TAF1B: variants seen among roughly 807,000 people sequenced by gnomAD.
TAF1B encodes the protein TATA box-binding protein-associated factor RNA polymerase I subunit B.
In TAF1B, 61 loss-of-function variants were observed where a neutral mutation model predicts 83.9. The observed-to-expected ratio is 0.73, with a 90% CI of 0.59 to 0.90. The LOEUF (loss-of-function observed/expected upper bound fraction) is 0.90. TAF1B is among the 40% of genes least tolerant of loss of function. The probability of loss-of-function intolerance (pLI) is 0.00; values close to 1 mark genes in which losing one functional copy is unlikely to be tolerated. For synonymous variants in TAF1B, 221 were observed against 224.6 expected (o/e 0.98, Z 0.14); for missense variants, 625 against 677.0 (o/e 0.92, Z 0.85).
At chr2:9,903,136 A>C (rs1453919479) in intron 8 of TAF1B, among the ~76,000 whole-genome samples, 1 of 152,062 alleles carries the variant, frequency 6.6e-6, no homozygotes, top group East Asian at 1.9e-4. Context: ...CCCAGGCTGG[A>C]GTGCAGTGGC....
At chr2:9,859,196 T>TTTC (rs34049018) in intron 5 of TAF1B, among the ~76,000 whole-genome samples, 141,958 of 152,068 alleles carry the variant, frequency 0.93, 66,961 homozygotes, top group East Asian at 1. Context: ...CTGCTTAGAA[T>TTTC]TTCTGCCAGA....
intron 6 of TAF1B, among the ~76,000 whole-genome samples, chr2:9,875,008 G>T (rs1417234405): frequency 6.6e-6 from 1 of 151,096 alleles, no homozygotes; most frequent in East Asian, 1.9e-4. Flanking sequence ...CTGTTACCCA[G>T]GTTGGATGGA....
At chr2:9,922,965 C>T (rs1217072178) in intron 14 of TAF1B, among the ~76,000 whole-genome samples, 4 of 152,200 alleles carry the variant, frequency 2.6e-5, no homozygotes, top group African/African-American at 4.8e-5. Context: ...ATTTCCTGGT[C>T]TGGGCTTGGT....
At chr2:9,885,847 A>G (rs1040927827) in intron 8 of TAF1B, among the ~76,000 whole-genome samples, 2 of 150,574 alleles carry the variant, frequency 1.3e-5, no homozygotes, top group African/African-American at 4.9e-5. Flanking sequence ...GGTTATTTGT[A>G]TATTTTCCTA....
intron 14 of TAF1B, among the ~76,000 whole-genome samples, chr2:9,928,243 A>G (rs1191094187): frequency 6.6e-6 from 1 of 152,222 alleles, no homozygotes; most frequent in Non-Finnish European, 1.5e-5. Context: ...TGGTACCAGT[A>G]CCATGCTGTT....
intron 14 of TAF1B, among the ~76,000 whole-genome samples, chr2:9,926,747 G>C (rs1666052706): frequency 6.8e-6 from 1 of 147,848 alleles, no homozygotes. Flanking sequence ...GCTGAGGCAG[G>C]AGAATCACTT....
intron 8 of TAF1B, among the ~76,000 whole-genome samples, chr2:9,890,846 C>T (rs1664849524): frequency 6.6e-6 from 1 of 152,158 alleles, no homozygotes; most frequent in African/African-American, 2.4e-5. Context: ...TCTATGCTCA[C>T]CACAACCTCC....
chr2:9,915,353 C>T (rs1665650025), intron 12 of TAF1B, among the ~76,000 whole-genome samples: 1 of 151,996 alleles, frequency 6.6e-6, no homozygotes, highest in Non-Finnish European at 1.5e-5. Context: ...AGAACTTAAA[C>T]GAATAAGAAG....
At chr2:9,922,948 T>A (rs1345925749) in intron 14 of TAF1B, among the ~76,000 whole-genome samples, 1 of 152,226 alleles carries the variant, frequency 6.6e-6, no homozygotes, top group African/African-American at 2.4e-5. Flanking sequence ...TTCTGTTAAC[T>A]AATGTTATTT....
At chr2:9,888,598 G>C (rs954298050) in intron 8 of TAF1B, among the ~76,000 whole-genome samples, 2 of 151,788 alleles carry the variant, frequency 1.3e-5, no homozygotes, top group African/African-American at 4.8e-5. Context: ...GTACTTTAAA[G>C]ATGTCATTCC....
At chr2:9,907,166 G>A (rs905599223) in intron 9 of TAF1B, among the ~76,000 whole-genome samples, 8 of 149,868 alleles carry the variant, frequency 5.3e-5, no homozygotes, top group Non-Finnish European at 1.0e-4. Flanking sequence ...GGGATTACAG[G>A]CATAAGCCAC....
intron 5 of TAF1B, among the ~76,000 whole-genome samples, chr2:9,859,134 A>G (rs900339401): frequency 1.2e-4 from 19 of 152,242 alleles, no homozygotes; most frequent in Non-Finnish European, 1.9e-4. Context: ...CTTTGTGAAC[A>G]CACATGACTG....
At chr2:9,866,144 C>G (rs1663968322) in intron 5 of TAF1B, among the ~76,000 whole-genome samples, 1 of 150,082 alleles carries the variant, frequency 6.7e-6, no homozygotes, top group Admixed American at 6.6e-5. Context: ...TCAGAGTGAA[C>G]AGGCAACCTA....
intron 8 of TAF1B, 137 bp from the exon 9 acceptor site, chr2:9,904,722 T>C: frequency 1.2e-6 from 1 of 810,420 alleles, no homozygotes; most frequent in Non-Finnish European, 1.9e-6. Context: ...TGCATAAGTG[T>C]TCCTTTTTCT....
intron 14 of TAF1B, among the ~76,000 whole-genome samples, chr2:9,931,417 C>T (rs12617098): frequency 0.24 from 35,753 of 151,788 alleles, 4,924 homozygotes; most frequent in East Asian, 0.31. Context: ...TATTTCTCCT[C>T]CACTTATGAA....
chr2:9,897,627 T>G (rs1665056381), intron 8 of TAF1B, among the ~76,000 whole-genome samples: 1 of 152,172 alleles, frequency 6.6e-6, no homozygotes. Context: ...CTTACACCCT[T>G]TGTGAAACTG....
At chr2:9,877,507 C>T (rs1558245355) in intron 7 of TAF1B, among the ~76,000 whole-genome samples, 1 of 151,718 alleles carries the variant, frequency 6.6e-6, no homozygotes, top group East Asian at 1.9e-4. Context: ...CTCTGCATTC[C>T]CTCTCTCTCT....
intron 5 of TAF1B, among the ~76,000 whole-genome samples, chr2:9,860,058 G>A (rs1486332603): frequency 1.3e-5 from 2 of 152,174 alleles, no homozygotes; most frequent in African/African-American, 4.8e-5. Context: ...GTGTGCAGGG[G>A]GAAATGCCAC....
At chr2:9,847,714 A>G (rs1209383914) in intron 2 of TAF1B, among the ~76,000 whole-genome samples, 1 of 152,196 alleles carries the variant, frequency 6.6e-6, no homozygotes, top group Non-Finnish European at 1.5e-5. Flanking sequence ...AGTTTCACGG[A>G]TATTTAAAAA....
Sources: allele counts gnomAD v4.1 joint callset (sites outside exome capture counted in the v4.1 genomes callset), GRCh38; gene constraint gnomAD v4.1.1; transcripts MANE v1.5; gene names NCBI Gene and HGNC (gene_info 2026-07-23, HGNC 2026-07-21).